The following SMARCC2 variants were observed in gnomAD, a reference collection of about 807,000 sequenced individuals.
SMARCC2 encodes SWI/SNF related BAF chromatin remodeling complex subunit C2, also known as SWI/SNF complex subunit SMARCC2.
A neutral mutation model predicts 151.3 loss-of-function variants in SMARCC2; 15 were observed. The ratio of observed to expected loss-of-function variants is 0.10; its 90% CI spans 0.07 to 0.15. The LOEUF (loss-of-function observed/expected upper bound fraction) is 0.15, where lower values mean the gene tolerates loss of function less well. Ranked by LOEUF, SMARCC2 falls within the 10% of genes least tolerant of loss-of-function variation. SMARCC2 has a pLI of 1.00. For missense variants in SMARCC2, 1,031 were observed against 1,599.7 expected (o/e 0.64, Z 6.06); for synonymous variants, 590 against 609.5 (o/e 0.97, Z 0.47).
chr12:56,164,564 C>T lies in SMARCC2; in HGVS notation c.3400G>A (p.Ala1134Thr), dbSNP rs1397830446. The T allele has an allele frequency of 1.2e-6, 2 of 1,613,944 alleles. No homozygotes were observed. The highest frequency in any genetic ancestry group is 1.3e-5 in the African/African-American group (1 of 74,912). The stretch of plus-strand genomic sequence containing the variant: ...GGGAGGTTAATACTGATGGAGTCAG[C>T]TAGACTACCAAATGGGATGATGGAT... ...APSIIPFGSL[A>T]DSISINLPAP... The change falls in exon 28 of 29, where the codon GCT becomes ACT. Residue 1134 changes from alanine to threonine, a missense_variant. Transcript: ENST00000550164.
At chr12:56,181,886 C>G in intron 8 of SMARCC2, 51 bp from the exon 9 acceptor site, 4 of 1,613,102 alleles carry the variant, frequency 2.5e-6, no homozygotes, top group East Asian at 2.2e-5. Context: ...AGCCACAGCT[C>G]TGTCTGGGGA....
At chr12:56,182,539 G>A (rs1876431269) in intron 7 of SMARCC2, among the ~76,000 whole-genome samples, 1 of 151,568 alleles carries the variant, frequency 6.6e-6, no homozygotes, top group Admixed American at 6.6e-5. Flanking sequence ...TGGCCAGGCT[G>A]GTCTCAAGCT....
chr12:56,187,330 A>G (rs199593566), intron 1 of SMARCC2, 24 bp from the exon 2 acceptor site: 1 of 1,604,902 alleles, frequency 6.2e-7, no homozygotes, highest in East Asian at 2.2e-5. Flanking sequence ...GGGAAAGGAA[A>G]GAAAAATAGA....
At position 56,184,898 on chromosome 12, in the gene SMARCC2, T is replaced by C. The variant is rs7136420; in HGVS notation, c.438A>G (p.Pro146=). 10,052 of 1,613,582 alleles carry C rather than the reference T, an allele frequency of 6.2e-3. 476 individuals are homozygous for C. In the African/African-American group the frequency reaches 0.11, roughly 18 times the overall value. The change falls in exon 5 of 29, where the codon CCA becomes CCG. Residue 146 remains proline (P), a synonymous_variant. Coordinates refer to ENST00000550164, the MANE Select transcript of SMARCC2 (RefSeq NM_001330288.2). The stretch of plus-strand genomic sequence containing the variant: ...TCCCTAGTAGTTTGGGCTCAATTTC[T>C]GGGCACAGAAAAATGTTAGGTCGAG... ...CLSRPNIFLC[P]EIEPKLLGKL...
chr12:56,165,538 G>A lies in SMARCC2; in HGVS notation c.3012C>T (p.Pro1004=). 3.1e-6 allele frequency: 5 copies of A among 1,611,384 alleles called. No individual in the cohort carries two copies. Among genetic ancestry groups the A allele is most frequent in the Non-Finnish European group, 4.2e-6 (5 of 1,179,010 alleles). The change falls in exon 27 of 29, where the codon CCC becomes CCT. Residue 1004 remains proline (P), a synonymous_variant. Transcript: ENST00000550164. The part of the protein sequence containing the change: ...PALPPGSQPI[P]PTGAAGPPAV... ...CGGGTGGCCCAGCAGCCCCTGTTGG[G>A]GGGATAGGCTGGGAGCCTGGGGGCA...
At chr12:56,173,111 G>T in intron 17 of SMARCC2, 82 bp from the exon 18 acceptor site, 1 of 1,264,388 alleles carries the variant, frequency 7.9e-7, no homozygotes, top group Non-Finnish European at 1.1e-6. Context: ...ACCATATGCT[G>T]GGCGGCCCAC....
At position 56,184,212 on chromosome 12, in the gene SMARCC2, G is replaced by C; in HGVS notation, c.525C>G (p.Ser175=). Reference sequence around the variant, plus strand: ...TCCCCGGGACAGGATACACAACATGGGAGGCATTGTTCTTATCCTCAGTGA... The same window carrying C: ...TCCCCGGGACAGGATACACAACATGCGAGGCATTGTTCTTATCCTCAGTGA... ...GTVTEDKNNA[S]HVVYPVPGNL... Residue 175 remains serine (S), a synonymous_variant, in exon 6 of 29, where the codon TCC becomes TCG. Transcript: ENST00000550164. 1 of 1,613,652 alleles carries C rather than the reference G, an allele frequency of 6.2e-7. No individual in the cohort carries two copies. The highest frequency in any genetic ancestry group is 1.3e-5 in the African/African-American group (1 of 75,024).
At chr12:56,182,299 T>C (rs950380739) in intron 7 of SMARCC2, among the ~76,000 whole-genome samples, 1 of 152,054 alleles carries the variant, frequency 6.6e-6, no homozygotes, top group African/African-American at 2.4e-5. Flanking sequence ...GATACTTGTA[T>C]ATCTGTTTTT....
Position 56,165,564 on chromosome 12 carries a change from G to A in SMARCC2, c.2986C>T (p.Leu996=). The A allele has an allele frequency of 6.2e-7, 1 of 1,613,400 alleles. No individual in the cohort carries two copies. The highest frequency in any genetic ancestry group is 8.5e-7 in the Non-Finnish European group (1 of 1,179,974). The change falls in exon 27 of 29, where the codon CTG becomes TTG. Residue 996 remains leucine, a synonymous_variant. Transcript: ENST00000550164. The part of the protein sequence containing the change: ...HQQQQQPPPA[L]PPGSQPIPPT... ...GGGATAGGCTGGGAGCCTGGGGGCAGGGCTGGTGGTGGCTGCTGCTGCTGT... is the reference window on the plus strand; with the variant it reads ...GGGATAGGCTGGGAGCCTGGGGGCAAGGCTGGTGGTGGCTGCTGCTGCTGT...
At chr12:56,183,994 C>T in intron 6 of SMARCC2, 64 bp from the exon 7 acceptor site, 2 of 1,305,942 alleles carry the variant, frequency 1.5e-6, no homozygotes, top group Non-Finnish European at 2.2e-6. Context: ...AAATACTGTA[C>T]AAAAGCCCTA....
At chr12:56,184,316 C>A in intron 5 of SMARCC2, 72 bp from the exon 6 acceptor site, 1 of 1,063,996 alleles carries the variant, frequency 9.4e-7, no homozygotes, top group Non-Finnish European at 1.4e-6. Context: ...CACAGAGCTG[C>A]CTTCCTAACC....
Position 56,180,982 on chromosome 12 carries a change from T to G in SMARCC2, c.1076A>C (p.Lys359Thr). Residue 359 changes from lysine (K) to threonine (T), a missense_variant, in exon 11 of 29, where the codon AAA becomes ACA. Physicochemically the swap from Lys to Thr is moderately conservative, Grantham distance 78. Transcript: ENST00000550164. ...GAGCTCAGCCTGGCCTGTACCTGTT[T>G]TGGGAAGTGTCACCTCTTCTACATT... ...VPNVEEVTLPKTVNTKKDSES... is the reference protein window; with the variant it reads ...VPNVEEVTLPTTVNTKKDSES... 1 of 1,612,544 alleles carries G rather than the reference T, an allele frequency of 6.2e-7. No individual in the cohort carries two copies. Among genetic ancestry groups the G allele is most frequent in the South Asian group, 1.1e-5 (1 of 90,964 alleles).
At chr12:56,184,524 C>G in intron 5 of SMARCC2, 1 of 540,308 alleles carries the variant, frequency 1.9e-6, no homozygotes, top group African/African-American at 1.9e-5. Flanking sequence ...TCAATGACAT[C>G]TATTCATTAC....
chr12:56,167,119 A>C (rs1401119494), intron 26 of SMARCC2, among the ~76,000 whole-genome samples: 2 of 150,670 alleles, frequency 1.3e-5, no homozygotes, highest in East Asian at 3.9e-4. Flanking sequence ...TGGGAAGCAG[A>C]GATGGGCTGA....
At chr12:56,169,382 A>G in intron 25 of SMARCC2, 147 bp downstream of exon 25, 1 of 1,001,986 alleles carries the variant, frequency 1.0e-6, no homozygotes, top group South Asian at 1.6e-5. Context: ...AGAAGGGATG[A>G]CTAACTTTAC....
Position 56,187,318 on chromosome 12 carries a change from G to T in SMARCC2, c.112-12C>A. The T allele has an allele frequency of 6.2e-7, 1 of 1,607,642 alleles. No homozygotes were observed. Among genetic ancestry groups the T allele is most frequent in the Non-Finnish European group, 8.5e-7 (1 of 1,175,376 alleles). On this transcript the variant is annotated splice_polypyrimidine_tract_variant and intron_variant, in intron 1 of 28. Coordinates refer to ENST00000550164, the MANE Select transcript of SMARCC2 (RefSeq NM_001330288.2). ...TCAGCTTGTATATACTAAGGAAAAAGAGGGAAAGGAAAGAAAAATAGATCT... is the reference window on the plus strand; with the variant it reads ...TCAGCTTGTATATACTAAGGAAAAATAGGGAAAGGAAAGAAAAATAGATCT...
chr12:56,184,092 C>T, intron 6 of SMARCC2, 83 bp downstream of exon 6: 2 of 1,121,100 alleles, frequency 1.8e-6, no homozygotes, highest in Admixed American at 1.9e-5. Context: ...AGAGGAGGAG[C>T]CCAGGTACTG....
chr12:56,173,918 G>A (rs997600463), intron 16 of SMARCC2, 69 bp from the exon 17 acceptor site: 64 of 1,471,926 alleles, frequency 4.3e-5, no homozygotes, highest in Non-Finnish European at 5.5e-5. Flanking sequence ...GAGGAAAAGT[G>A]GGGGGTAGAA....
At position 56,162,755 on chromosome 12, in the gene SMARCC2, C is replaced by G. The variant is rs1872051746; in HGVS notation, c.*934G>C. 3 of 170,052 alleles carry G rather than the reference C, an allele frequency of 1.8e-5. No individual in the cohort carries two copies. In the South Asian group the frequency reaches 4.7e-4, roughly 26 times the overall value. The allele number at this position is 170,052 out of a possible 1,614,324, so 10.5% of individuals were successfully genotyped here. A position where few individuals can be genotyped will look rare whatever the true frequency, so the allele number is the denominator to read the frequency against. The stretch of plus-strand genomic sequence containing the variant: ...GAGAGGGAGGAAGCTAAGGGGTGAC[C>G]CACCAAGTCATAATATGGAGGTGCT... On this transcript the variant is annotated 3_prime_UTR_variant, in exon 29 of 29. Transcript: ENST00000550164.
Sources: allele counts gnomAD v4.1 joint callset (sites outside exome capture counted in the v4.1 genomes callset), GRCh38; gene constraint gnomAD v4.1.1; transcripts MANE v1.5; gene names NCBI Gene and HGNC (gene_info 2026-07-23, HGNC 2026-07-21).